HS3ST1: variants seen among roughly 807,000 people sequenced by gnomAD.
HS3ST1 encodes heparan sulfate glucosamine 3-O-sulfotransferase 1.
In HS3ST1, 8 loss-of-function variants were observed where a neutral mutation model predicts 20.7. That is an observed-to-expected ratio of 0.39 (90% CI 0.23 to 0.70). The LOEUF (loss-of-function observed/expected upper bound fraction) is 0.70, where lower values mean the gene tolerates loss of function less well. Ranked by LOEUF, HS3ST1 falls within the 30% of genes least tolerant of loss-of-function variation. HS3ST1 has a pLI of 0.46. For synonymous variants in HS3ST1, 205 were observed against 190.4 expected (o/e 1.08, Z -0.63); for missense variants, 436 against 423.4 (o/e 1.03, Z -0.26).
chr4:11,422,055 T>C (rs928144159), intron 1 of HS3ST1, among the ~76,000 whole-genome samples: 26 of 152,366 alleles, frequency 1.7e-4, no homozygotes, highest in Admixed American at 1.4e-3. Flanking sequence ...CAGAGTGCTT[T>C]TGCACAAGCA....
At chr4:11,404,868 G>T (rs916918613) in intron 1 of HS3ST1, among the ~76,000 whole-genome samples, 5 of 152,204 alleles carry the variant, frequency 3.3e-5, no homozygotes, top group Non-Finnish European at 7.3e-5. Flanking sequence ...CACAGGGCTT[G>T]CTGTAATCCT....
rs1718240496 is a variant in HS3ST1 at position 11,399,327 on chromosome 4, C to T, written c.679G>A (p.Glu227Lys). The change falls in exon 2 of 2, where the codon GAG (glutamate) becomes AAG (lysine). Residue 227 changes from glutamate (E) to lysine (K), a missense_variant. Transcript: ENST00000002596. The surrounding 1 kb of genome is among the most constrained non-coding windows in gnomAD (Gnocchi z 5.1). ...AGGAACCTCTCGACCTTTTGGATCTCAGGGAAGGGGTCCCTGATGAGGCGG... is the reference window on the plus strand; with the variant it reads ...AGGAACCTCTCGACCTTTTGGATCTTAGGGAAGGGGTCCCTGATGAGGCGG... Reference protein sequence around the residue: ...GDRLIRDPFPEIQKVERFLKL... With the variant: ...GDRLIRDPFPKIQKVERFLKL... 6.2e-7 allele frequency: 1 copy of T among 1,614,002 alleles called. No individual in the cohort carries two copies. The highest frequency in any genetic ancestry group is 1.7e-5 in the Admixed American group (1 of 59,998).
intron 1 of HS3ST1, among the ~76,000 whole-genome samples, chr4:11,403,762 G>A (rs555191933): frequency 6.6e-6 from 1 of 152,256 alleles, no homozygotes; most frequent in Non-Finnish European, 1.5e-5. Flanking sequence ...TTCAGTAGAA[G>A]GGTCCAAATG....
chr4:11,416,761 G>A (rs557925368), intron 1 of HS3ST1, among the ~76,000 whole-genome samples: 1 of 152,320 alleles, frequency 6.6e-6, no homozygotes, highest in South Asian at 2.1e-4. Flanking sequence ...CTTTTGCATG[G>A]CCCTGCTGAA....
At chr4:11,428,246 C>T (rs1439799841) in intron 1 of HS3ST1, among the ~76,000 whole-genome samples, 2 of 152,232 alleles carry the variant, frequency 1.3e-5, no homozygotes, top group African/African-American at 4.8e-5. Context: ...CCCAAAGGCT[C>T]CCTCAGCCGA....
chr4:11,424,966 C>T (rs1719025748), intron 1 of HS3ST1, among the ~76,000 whole-genome samples: 1 of 151,968 alleles, frequency 6.6e-6, no homozygotes. Context: ...AGAGAGAGGG[C>T]ACTACAAGCA....
intron 1 of HS3ST1, chr4:11,414,198 G>A (rs572359681): frequency 6.6e-6 from 1 of 152,314 alleles, no homozygotes; most frequent in South Asian, 2.1e-4. Flanking sequence ...ATTCTGTCAT[G>A]TTCATTAGAT....
At position 11,399,559 on chromosome 4, in the gene HS3ST1, C is replaced by T. The variant is rs747203335; in HGVS notation, c.447G>A (p.Pro149=). The part of the protein sequence containing the change: ...SIRLLLILRD[P]SERVLSDYTQ... ...TGTAGTCAGATAGCACGCGCTCCGA[C>T]GGGTCTCGCAGGATGAGCAGCAGCC... Residue 149 remains proline, a synonymous_variant, in exon 2 of 2, where the codon CCG becomes CCA. Coordinates refer to ENST00000002596, the MANE Select transcript of HS3ST1 (RefSeq NM_005114.4). This position sits in a 1 kb window ranked among gnomAD's most constrained non-coding sequence, Gnocchi z 5.1. The T allele has an allele frequency of 8.7e-6, 14 of 1,613,690 alleles. No homozygotes were observed. The highest frequency in any genetic ancestry group is 1.3e-5 in the African/African-American group (1 of 74,898).
chr4:11,414,861 C>A (rs1030116142), intron 1 of HS3ST1, among the ~76,000 whole-genome samples: 3 of 152,044 alleles, frequency 2.0e-5, no homozygotes, highest in African/African-American at 7.3e-5. Flanking sequence ...CTTTCCTCAC[C>A]CCCACAATGT....
chr4:11,398,576 A>AT lies in HS3ST1; in HGVS notation c.*505dup. 1 of 152,426 alleles carries AT rather than the reference A, an allele frequency of 6.6e-6. No individual in the cohort carries two copies. 9.4% of individuals were successfully genotyped at this position (152,426 alleles called of 1,614,324 possible). Reference sequence around the variant, plus strand: ...TGACAAGGAATCGCCGAGGAGATAAATCTTACAATCCAAGTAAAAATAAAT... The same window carrying AT: ...TGACAAGGAATCGCCGAGGAGATAAATTCTTACAATCCAAGTAAAAATAAAT... On this transcript the variant is annotated 3_prime_UTR_variant, in exon 2 of 2. Coordinates refer to ENST00000002596, the MANE Select transcript of HS3ST1 (RefSeq NM_005114.4).
rs1718192683 is a variant in HS3ST1 at position 11,398,280 on chromosome 4, T to G, written c.*802A>C. On this transcript the variant is annotated 3_prime_UTR_variant, in exon 2 of 2. Transcript: ENST00000002596. ...CGACAGGATGAAGACACGCATAGATTTCGCAGTTTCTCTTTTCTATTCTAA... is the reference window on the plus strand; with the variant it reads ...CGACAGGATGAAGACACGCATAGATGTCGCAGTTTCTCTTTTCTATTCTAA... The G allele has an allele frequency of 6.6e-6, 1 of 152,210 alleles. No individual in the cohort carries two copies. Among genetic ancestry groups the G allele is most frequent in the Non-Finnish European group, 1.5e-5 (1 of 68,034 alleles). 9.4% of individuals were successfully genotyped at this position (152,210 alleles called of 1,614,324 possible).
At chr4:11,408,152 G>A (rs1718519905) in intron 1 of HS3ST1, among the ~76,000 whole-genome samples, 1 of 152,182 alleles carries the variant, frequency 6.6e-6, no homozygotes, top group Admixed American at 6.5e-5. Context: ...CAAAAACCCA[G>A]TCTCAAATCT....
chr4:11,393,346 A>G lies in HS3ST1; in HGVS notation c.*5736T>C, dbSNP rs1462258002. Reference sequence around the variant, plus strand: ...CTACTACTTGGTAACAATTTCAGCCATTATTGAATTTAACACTTTGCTATT... The same window carrying G: ...CTACTACTTGGTAACAATTTCAGCCGTTATTGAATTTAACACTTTGCTATT... On this transcript the variant is annotated 3_prime_UTR_variant, in exon 2 of 2. Transcript: ENST00000002596. The G allele has an allele frequency of 6.6e-6, 1 of 152,250 alleles. No individual in the cohort carries two copies. Among genetic ancestry groups the G allele is most frequent in the Non-Finnish European group, 1.5e-5 (1 of 68,042 alleles). The allele number at this position is 152,250 out of a possible 1,614,324, so 9.4% of individuals were successfully genotyped here.
chr4:11,431,143 G>C (rs1302274780), upstream of HS3ST1, among the ~76,000 whole-genome samples: 2 of 151,600 alleles, frequency 1.3e-5, no homozygotes, highest in African/African-American at 4.9e-5. Flanking sequence ...CCTTGAGCTT[G>C]GGTATCGTGA....
chr4:11,411,499 T>C (rs1718634248), intron 1 of HS3ST1, among the ~76,000 whole-genome samples: 1 of 152,212 alleles, frequency 6.6e-6, no homozygotes, highest in Admixed American at 6.5e-5. Context: ...TAACTCAAGC[T>C]TTACTTTAAA....
chr4:11,418,717 TAAACC>T (rs1322222313), intron 1 of HS3ST1, among the ~76,000 whole-genome samples: 1 of 152,024 alleles, frequency 6.6e-6, no homozygotes, highest in Non-Finnish European at 1.5e-5. Flanking sequence ...TGCAAACCAA[TAAACC>T]AAACCAAACC....
intron 1 of HS3ST1, among the ~76,000 whole-genome samples, chr4:11,403,480 C>T (rs957904680): frequency 6.6e-6 from 1 of 152,234 alleles, no homozygotes; most frequent in Non-Finnish European, 1.5e-5. Flanking sequence ...CCCTGCCTTT[C>T]ACACCCCAAG....
chr4:11,426,457 G>GT (rs1560238700), intron 1 of HS3ST1, among the ~76,000 whole-genome samples: 2 of 151,830 alleles, frequency 1.3e-5, no homozygotes, highest in Non-Finnish European at 2.9e-5. Flanking sequence ...GGACCCAGGG[G>GT]GGGGGCTTGA....
At chr4:11,411,337 A>C (rs1316850477) in intron 1 of HS3ST1, among the ~76,000 whole-genome samples, 1 of 152,226 alleles carries the variant, frequency 6.6e-6, no homozygotes, top group Non-Finnish European at 1.5e-5. Flanking sequence ...GCAATAGTAC[A>C]TGGTTCTTTC....
Sources: allele counts gnomAD v4.1 joint callset (sites outside exome capture counted in the v4.1 genomes callset), GRCh38; gene constraint gnomAD v4.1.1; non-coding constraint Gnocchi (gnomAD v3.1); transcripts MANE v1.5; gene names NCBI Gene and HGNC (gene_info 2026-07-23, HGNC 2026-07-21).